The following POC1B variants were observed in gnomAD, a reference collection of about 807,000 sequenced individuals.
The protein encoded by POC1B is POC1 centriolar protein homolog B.
In POC1B, 44 loss-of-function variants were observed where a neutral mutation model predicts 60.6. That is an observed-to-expected ratio of 0.73 (90% confidence interval 0.57 to 0.93). The LOEUF (loss-of-function observed/expected upper bound fraction) is 0.93, where lower values mean the gene tolerates loss of function less well. Ranked by LOEUF, POC1B falls within the 40% of genes least tolerant of loss-of-function variation. The pLI is 0.00. For synonymous variants in POC1B, 180 were observed against 198.9 expected (o/e 0.90, Z 0.80); for missense variants, 555 against 572.3 (o/e 0.97, Z 0.31).
chr12:89,500,021 T>C (rs1265352648), intron 2 of POC1B: 20 of 994,682 alleles, frequency 2.0e-5, no homozygotes, highest in Non-Finnish European at 7.7e-6. Flanking sequence ...CATTTCTTGC[T>C]CGGCCTCCTG....
At chr12:89,488,778 C>T (rs572349499) in intron 4 of POC1B, among the ~76,000 whole-genome samples, 89 of 152,212 alleles carry the variant, frequency 5.8e-4, no homozygotes, top group Non-Finnish European at 1.0e-3. Flanking sequence ...TGAGTCACTG[C>T]GCAGGGCCAA....
At chr12:89,437,582 C>T (rs985740281) in intron 10 of POC1B, among the ~76,000 whole-genome samples, 2 of 152,138 alleles carry the variant, frequency 1.3e-5, no homozygotes, top group African/African-American at 2.4e-5. Context: ...TCAAATTCTC[C>T]GGGTACATAT....
chr12:89,524,459 T>C (rs778290969), intron 2 of POC1B: 1 of 1,613,658 alleles, frequency 6.2e-7, no homozygotes, highest in African/African-American at 1.3e-5. Context: ...GCATGAAAAG[T>C]AGAGACCAAG....
intron 3 of POC1B, among the ~76,000 whole-genome samples, chr12:89,492,796 T>C (rs1352322595): frequency 1.3e-5 from 2 of 152,136 alleles, no homozygotes; most frequent in Non-Finnish European, 2.9e-5. Context: ...TAGCAAACCA[T>C]ATCATCCTCA....
At chr12:89,522,923 G>A (rs769519279) in intron 2 of POC1B, 1 of 1,614,066 alleles carries the variant, frequency 6.2e-7, no homozygotes, top group East Asian at 2.2e-5. Context: ...AGTCCTGAGT[G>A]TGGGTGAAAA....
chr12:89,473,848 T>C (rs1258902911), intron 4 of POC1B, among the ~76,000 whole-genome samples: 1 of 151,988 alleles, frequency 6.6e-6, no homozygotes, highest in Non-Finnish European at 1.5e-5. Context: ...GGAAGCTTAT[T>C]ATATATAGAA....
At chr12:89,524,662 G>T in intron 2 of POC1B, 2 of 1,131,660 alleles carry the variant, frequency 1.8e-6, no homozygotes, top group Non-Finnish European at 2.5e-6. Flanking sequence ...TTCCTTTCAT[G>T]CAGGCGCTAG....
At chr12:89,421,599 C>T (rs1880536164) in intron 11 of POC1B, among the ~76,000 whole-genome samples, 1 of 152,174 alleles carries the variant, frequency 6.6e-6, no homozygotes, top group Admixed American at 6.5e-5. Flanking sequence ...AAGCTACACA[C>T]TTAGTGGAGA....
intron 10 of POC1B, among the ~76,000 whole-genome samples, chr12:89,445,306 C>T (rs1264881580): frequency 6.6e-6 from 1 of 152,106 alleles, no homozygotes; most frequent in Non-Finnish European, 1.5e-5. Flanking sequence ...CAAGACAATC[C>T]TAAGCCAAAA....
chr12:89,403,738 C>T, the POC1B span, among the ~76,000 whole-genome samples: 1 of 152,198 alleles, frequency 6.6e-6, no homozygotes, highest in African/African-American at 2.4e-5. Context: ...GAACGAGCTA[C>T]ACTCTATCTC....
intron 2 of POC1B, chr12:89,519,781 T>G (rs959363239): frequency 7.1e-6 from 1 of 141,612 alleles, no homozygotes; most frequent in South Asian, 2.5e-4. Flanking sequence ...TTTTGAGTTA[T>G]AGGGATCCTC....
intron 2 of POC1B, among the ~76,000 whole-genome samples, chr12:89,513,056 T>G (rs1432391302): frequency 6.6e-6 from 1 of 152,160 alleles, no homozygotes; most frequent in Non-Finnish European, 1.5e-5. Context: ...GGAATATAAA[T>G]TTTTGACAAG....
chr12:89,424,680 G>C (rs1324892181), intron 11 of POC1B, among the ~76,000 whole-genome samples: 1 of 152,112 alleles, frequency 6.6e-6, no homozygotes, highest in Non-Finnish European at 1.5e-5. Flanking sequence ...TATTATTTAA[G>C]ATGCATTGTA....
intron 2 of POC1B, chr12:89,520,186 T>C (rs1198038469): frequency 6.6e-6 from 1 of 152,098 alleles, no homozygotes; most frequent in Non-Finnish European, 1.5e-5. Context: ...GTAAAATCTC[T>C]TCCTAAAAGA....
intron 2 of POC1B, among the ~76,000 whole-genome samples, chr12:89,509,732 A>C (rs1308447313): frequency 6.6e-6 from 1 of 152,206 alleles, no homozygotes; most frequent in Non-Finnish European, 1.5e-5. Flanking sequence ...CCACAATAAG[A>C]AACCTGGCTC....
intron 2 of POC1B, chr12:89,523,028 C>T (rs1871029697): frequency 1.2e-6 from 2 of 1,613,536 alleles, no homozygotes; most frequent in African/African-American, 1.3e-5. Flanking sequence ...TTTTTTTGCT[C>T]AGGTACCTCT....
chr12:89,465,176 C>G (rs1329869013), intron 9 of POC1B, among the ~76,000 whole-genome samples: 1 of 152,176 alleles, frequency 6.6e-6, no homozygotes, highest in African/African-American at 2.4e-5. Context: ...AGCAGCCCAG[C>G]TGGTTTAATG....
At chr12:89,491,178 G>A (rs763248403) in intron 4 of POC1B, among the ~76,000 whole-genome samples, 1 of 152,028 alleles carries the variant, frequency 6.6e-6, no homozygotes, top group African/African-American at 2.4e-5. Flanking sequence ...TCTGCCTCAG[G>A]GCTTCTGCCC....
At chr12:89,435,548 G>T (rs1881220508) in intron 10 of POC1B, among the ~76,000 whole-genome samples, 1 of 152,086 alleles carries the variant, frequency 6.6e-6, no homozygotes, top group African/African-American at 2.4e-5. Context: ...CAAAAAATAA[G>T]ATTCTATGAT....
Sources: allele counts gnomAD v4.1 joint callset (sites outside exome capture counted in the v4.1 genomes callset), GRCh38; gene constraint gnomAD v4.1.1; transcripts MANE v1.5; gene names NCBI Gene and HGNC (gene_info 2026-07-23, HGNC 2026-07-21).